The following CEP131 variants were observed in gnomAD, a reference collection of about 807,000 sequenced individuals.
The protein encoded by CEP131 is centrosomal protein of 131 kDa.
A neutral mutation model predicts 136.8 loss-of-function variants in CEP131; 99 were observed. That is an observed-to-expected ratio of 0.72 (90% CI 0.62 to 0.86). CEP131 has a LOEUF of 0.86. Among genes scored for constraint, CEP131 ranks in the 40% least tolerant of loss-of-function variants. The pLI is 0.00. For synonymous variants in CEP131, 646 were observed against 612.7 expected (o/e 1.05, Z -0.80); for missense variants, 1,459 against 1,463.0 (o/e 1.00, Z 0.04).
chr17:81,196,030 C>T, intron 15 of CEP131, 79 bp from the exon 16 acceptor site: 3 of 1,236,458 alleles, frequency 2.4e-6, no homozygotes, highest in Non-Finnish European at 3.4e-6. Flanking sequence ...ACCCTCCCAG[C>T]CTCCGAGGGA....
chr17:81,207,047 G>A, intron 4 of CEP131, 78 bp downstream of exon 4: 1 of 1,543,776 alleles, frequency 6.5e-7, no homozygotes. Flanking sequence ...CTTTTGCAAA[G>A]GCAGTGAGAA....
In CEP131 at chr17:81,219,856, G is replaced by A. The variant is rs371652714; in HGVS notation, c.177+24C>T. 51 of 1,535,018 alleles carry A rather than the reference G, an allele frequency of 3.3e-5. No homozygotes were observed. Among genetic ancestry groups the A allele is most frequent in the African/African-American group, 3.1e-4 (22 of 71,610 alleles). On this transcript the variant is annotated intron_variant, in intron 2 of 25. Coordinates refer to ENST00000450824, the MANE Select transcript of CEP131 (RefSeq NM_014984.4). The surrounding 1 kb of genome is among the most constrained non-coding windows in gnomAD (Gnocchi z 4.0). ...ACAGCCCTCCAGGAGGCAGGGGCCC[G>A]GACTCCTAGGCCACAGTACTCACCA...
chr17:81,203,696 G>C lies in CEP131; in HGVS notation c.516-89C>G. The stretch of plus-strand genomic sequence containing the variant: ...GCTACACTCGCAGCACGGGCTGGGA[G>C]GGAACAAAGGCCTTCAGTGCTTGCT... On this transcript the variant is annotated intron_variant, in intron 5 of 25. Transcript: ENST00000450824. This position sits in a 1 kb window ranked among gnomAD's most constrained non-coding sequence, Gnocchi z 4.6. 9.9e-7 allele frequency: 1 copy of C among 1,008,812 alleles called. No individual in the cohort carries two copies. Among genetic ancestry groups the C allele is most frequent in the East Asian group, 2.6e-5 (1 of 38,182 alleles). 62.5% of individuals were successfully genotyped at this position (1,008,812 alleles called of 1,614,324 possible).
chr17:81,198,075 G>C (rs1195933088), intron 12 of CEP131, 40 bp downstream of exon 12: 4 of 1,518,002 alleles, frequency 2.6e-6, no homozygotes, highest in South Asian at 1.2e-5. Flanking sequence ...GAATGGCGTG[G>C]GTGGACAGAC....
At chr17:81,200,189 CAAG>C in intron 8 of CEP131, 137 bp downstream of exon 8, 1 of 712,480 alleles carries the variant, frequency 1.4e-6, no homozygotes, top group South Asian at 1.9e-5. Flanking sequence ...GACCCAGGGT[CAAG>C]AAGGATGCTG....
At chr17:81,207,011 A>C in intron 4 of CEP131, 114 bp downstream of exon 4, 1 of 1,515,420 alleles carries the variant, frequency 6.6e-7, no homozygotes. Context: ...TGTCAGATCT[A>C]AGCTTGACAC....
intron 15 of CEP131, among the ~76,000 whole-genome samples, chr17:81,196,177 A>C (rs531414547): frequency 1.1e-3 from 174 of 152,262 alleles, no homozygotes; most frequent in African/African-American, 4.0e-3. Flanking sequence ...GACCCGGCGA[A>C]TGTCAGAGAA....
At chr17:81,218,967 C>T (rs535860822) in intron 2 of CEP131, among the ~76,000 whole-genome samples, 8 of 152,376 alleles carry the variant, frequency 5.3e-5, no homozygotes, top group East Asian at 1.9e-4. Flanking sequence ...GAAGCCAAGG[C>T]CCCCAGGCCC....
chr17:81,203,467 C>A lies in CEP131; in HGVS notation c.629+27G>T. The A allele has an allele frequency of 1.3e-6, 2 of 1,548,358 alleles. No individual in the cohort carries two copies. Among genetic ancestry groups the A allele is most frequent in the African/African-American group, 1.4e-5 (1 of 73,828 alleles). On this transcript the variant is annotated intron_variant, in intron 6 of 25. Coordinates refer to ENST00000450824, the MANE Select transcript of CEP131 (RefSeq NM_014984.4). The surrounding 1 kb of genome is among the most constrained non-coding windows in gnomAD (Gnocchi z 4.6). ...CCCTAACTGAGGTCGGACCCCGCAG[C>A]CCCGCGGCCTCCCCAGAAGACCTTA...
At position 81,215,020 on chromosome 17, in the gene CEP131, G is replaced by C. The variant is rs992692503; in HGVS notation, c.177+4860C>G. Among the ~76,000 whole-genome samples, 1 of 151,644 alleles carries C rather than the reference G, an allele frequency of 6.6e-6. No individual in the cohort carries two copies. Among genetic ancestry groups the C allele is most frequent in the Non-Finnish European group, 1.5e-5 (1 of 67,942 alleles). ...TCTCAATCTCCTGGCCTCGTGATCT[G>C]CTTGCCTCAACCTCCCAAAGTGCTG... On this transcript the variant is annotated intron_variant, in intron 2 of 25. Transcript: ENST00000450824. This position sits in a 1 kb window ranked among gnomAD's most constrained non-coding sequence, Gnocchi z 4.1.
At chr17:81,220,645 C>G (rs1307109724) in intron 1 of CEP131, among the ~76,000 whole-genome samples, 1 of 152,084 alleles carries the variant, frequency 6.6e-6, no homozygotes, top group Non-Finnish European at 1.5e-5. Flanking sequence ...CAGGTGCCCG[C>G]CACCACGCCT....
Position 81,192,767 on chromosome 17 carries a change from C to T in CEP131, c.2398G>A (p.Glu800Lys), listed in dbSNP as rs778975424. 6.3e-7 allele frequency: 1 copy of T among 1,593,712 alleles called. No homozygotes were observed. The highest frequency in any genetic ancestry group is 1.7e-5 in the Admixed American group (1 of 59,974). The change falls in exon 19 of 26, where the codon GAG (glutamate) becomes AAG (lysine). Residue 800 changes from glutamate to lysine, a missense_variant. Around this residue, in one of 3 missense-constraint regions of CEP131, gnomAD observed 1,026 missense variants for 964.2 expected, o/e 1.06. Transcript: ENST00000450824. ...GCCTGCTGGCCCAGCCGCTCCCTCT[C>T]CTCAGCCACCTCACTGTACAGCCGC... ...RQRLYSEVAE[E>K]RERLGQQAAR...
At chr17:81,198,014 C>G in intron 12 of CEP131, 101 bp downstream of exon 12, 1 of 1,484,090 alleles carries the variant, frequency 6.7e-7, no homozygotes, top group South Asian at 1.3e-5. Flanking sequence ...CCAGGAGGAG[C>G]CTGTGGCATC....
chr17:81,199,384 T>C lies in CEP131; in HGVS notation c.1189A>G (p.Thr397Ala), dbSNP rs2659015. The change falls in exon 10 of 26, where the codon ACT becomes GCT. Residue 397 changes from threonine (T) to alanine (A), a missense_variant. Around this residue, in one of 3 missense-constraint regions of CEP131, gnomAD observed 1,026 missense variants for 964.2 expected, o/e 1.06. Coordinates refer to ENST00000450824, the MANE Select transcript of CEP131 (RefSeq NM_014984.4). ...TAHQALKANNTGGGLPAAGPG... is the reference protein window; with the variant it reads ...TAHQALKANNAGGGLPAAGPG... ...GCGGGCGTGGAGCCACTCTCACCAG[T>C]ATTGTTGGCCTTGAGGGCCTGGTGG... is the stretch of plus-strand genomic sequence containing the variant. 1,547,731 of 1,602,038 alleles carry C rather than the reference T, an allele frequency of 0.97. 748,090 individuals carry two copies. The highest frequency in any genetic ancestry group is 0.97 in the Non-Finnish European group (1,144,852 of 1,176,496).
intron 5 of CEP131, among the ~76,000 whole-genome samples, chr17:81,205,128 A>G (rs111710259): frequency 0.018 from 2,657 of 151,676 alleles, 68 homozygotes; most frequent in African/African-American, 0.057. Flanking sequence ...GTGTGGTGGC[A>G]CACGCCTGTA....
intron 2 of CEP131, among the ~76,000 whole-genome samples, chr17:81,217,978 A>G (rs756583480): frequency 5.9e-5 from 9 of 151,922 alleles, no homozygotes; most frequent in Non-Finnish European, 1.3e-4. Context: ...ACAACAAGAG[A>G]GCTGCAATTT....
In CEP131 at chr17:81,195,876, A is replaced by C. The variant is rs2061743426; in HGVS notation, c.1975T>G (p.Cys659Gly). The C allele has an allele frequency of 6.2e-7, 1 of 1,608,764 alleles. No individual in the cohort carries two copies. Among genetic ancestry groups the C allele is most frequent in the Non-Finnish European group, 8.5e-7 (1 of 1,179,932 alleles). ...VAELKQEDQR[C>G]TERVAQAQAQ... ...TGTGCCTGGGCCACACGCTCGGTGC[A>C]TCTCTGGTCCTCCTGCTTCAGCTCG... The change falls in exon 16 of 26, where the codon TGC becomes GGC. Residue 659 changes from cysteine (C) to glycine (G), a missense_variant. Around this residue, in one of 3 missense-constraint regions of CEP131, gnomAD observed 1,026 missense variants for 964.2 expected, o/e 1.06. Coordinates refer to ENST00000450824, the MANE Select transcript of CEP131 (RefSeq NM_014984.4).
At chr17:81,217,916 C>T (rs969577673) in intron 2 of CEP131, among the ~76,000 whole-genome samples, 3 of 152,114 alleles carry the variant, frequency 2.0e-5, no homozygotes, top group East Asian at 1.9e-4. Context: ...CTGGCCATGC[C>T]GCCGAAAGAC....
rs1486158402 is a variant in CEP131 at position 81,208,380 on chromosome 17, C to G, written c.272+548G>C. On this transcript the variant is annotated intron_variant, in intron 3 of 25. Coordinates refer to ENST00000450824, the MANE Select transcript of CEP131 (RefSeq NM_014984.4). This position sits in a 1 kb window ranked among gnomAD's most constrained non-coding sequence, Gnocchi z 5.6. ...GCCTGGTGGGAGGTGGTGTCAGGAC[C>G]TCGCCCACCACTCTGGGCTAGAGGA... Among the ~76,000 whole-genome samples, 1 of 152,166 alleles carries G rather than the reference C, an allele frequency of 6.6e-6. No homozygotes were observed.
Sources: gnomAD v4.1 joint callset for allele counts (sites outside exome capture counted in the v4.1 genomes callset) on GRCh38, gnomAD v4.1.1 for gene constraint, gnomAD v4.1.1 regional missense constraint, Gnocchi (gnomAD v3.1) non-coding constraint, MANE v1.5 for transcripts, NCBI Gene and HGNC (gene_info 2026-07-23, HGNC 2026-07-21) for gene names.